NCKAP1: variants seen among roughly 807,000 people sequenced by gnomAD.
NCKAP1 encodes the protein NCK associated protein 1.
NCKAP1 carries 21 observed loss-of-function variants against 151.2 expected under a neutral mutation model. The observed-to-expected ratio is 0.14, with a 90% CI of 0.10 to 0.20. The LOEUF is 0.20. Among genes scored for constraint, NCKAP1 ranks in the 10% least tolerant of loss-of-function variants. The pLI is 1.00. For missense variants in NCKAP1, 933 were observed against 1,352.1 expected, an observed-to-expected ratio of 0.69 and a Z score of 4.86; for synonymous variants, 484 against 451.8, an observed-to-expected ratio of 1.07 and a Z score of -0.90.
chr2:182,976,974 A>G, intron 14 of NCKAP1, 23 bp from the exon 15 acceptor site: 1 of 1,421,674 alleles, frequency 7.0e-7, no homozygotes, highest in African/African-American at 1.5e-5. Flanking sequence ...AAAAAAAAAA[A>G]AGATTACAAA....
intron 10 of NCKAP1, among the ~76,000 whole-genome samples, chr2:182,984,061 ACTG>A (rs1697997817): frequency 3.9e-5 from 1 of 25,322 alleles, no homozygotes; most frequent in Admixed American, 9.5e-4. Flanking sequence ...GAAGGCAAAA[ACTG>A]ACTAACTGTA....
chr2:182,928,934 T>G, intron 27 of NCKAP1, 35 bp from the exon 28 acceptor site: 1 of 1,351,192 alleles, frequency 7.4e-7, no homozygotes, highest in East Asian at 2.3e-5. Flanking sequence ...AATCAAGGTA[T>G]TTCTTCAAGA....
rs1696764822 is a variant in NCKAP1, at chr2:182,931,570, T to C, written c.2860-782A>G. ...TGTAAGAGCTAAAACTGTAAAACGC[T>C]TAGAAAAAAATATAGGCACAAATCA... On this transcript the variant is annotated intron_variant, in intron 26 of 30. Coordinates refer to ENST00000361354, the MANE Select transcript of NCKAP1 (RefSeq NM_013436.5). Among the ~76,000 whole-genome samples the C allele has an allele frequency of 2.0e-5, 3 of 151,968 alleles. No homozygotes were observed. The South Asian group carries it at 6.2e-4, about 32-fold the overall frequency.
At chr2:182,990,332 C>T (rs1187505202) in intron 8 of NCKAP1, among the ~76,000 whole-genome samples, 1 of 152,012 alleles carries the variant, frequency 6.6e-6, no homozygotes, top group Non-Finnish European at 1.5e-5. Context: ...GCAACTGCAC[C>T]TGGTCCATAT....
At chr2:182,997,520 T>G (rs1698293623) in intron 6 of NCKAP1, among the ~76,000 whole-genome samples, 1 of 152,206 alleles carries the variant, frequency 6.6e-6, no homozygotes, top group Non-Finnish European at 1.5e-5. Flanking sequence ...AGGATAAAAT[T>G]GTTTAGTTTC....
intron 8 of NCKAP1, among the ~76,000 whole-genome samples, chr2:182,989,934 G>C (rs919123344): frequency 6.6e-6 from 1 of 151,818 alleles, no homozygotes; most frequent in Non-Finnish European, 1.5e-5. Flanking sequence ...AAGTTGCAGT[G>C]AGCCGAGATC....
At chr2:183,030,476 C>T (rs946044701) in intron 1 of NCKAP1, among the ~76,000 whole-genome samples, 2 of 152,054 alleles carry the variant, frequency 1.3e-5, no homozygotes, top group Non-Finnish European at 2.9e-5. Context: ...AATGAATTAA[C>T]TGAAAAAATA....
At chr2:182,984,337 GA>G (rs1014356779) in intron 10 of NCKAP1, among the ~76,000 whole-genome samples, 80 of 149,524 alleles carry the variant, frequency 5.4e-4, no homozygotes, top group African/African-American at 1.7e-3. Flanking sequence ...TTAACAGAAG[GA>G]AAAAAAATCA....
chr2:183,013,036 A>G (rs545550232), intron 2 of NCKAP1, among the ~76,000 whole-genome samples: 13 of 152,168 alleles, frequency 8.5e-5, no homozygotes, highest in Admixed American at 5.9e-4. Context: ...AGAAAAGCAT[A>G]TACTTTGCTG....
At chr2:182,964,934 AT>A (rs1220624274) in intron 16 of NCKAP1, 126 bp from the exon 17 acceptor site, 7 of 616,212 alleles carry the variant, frequency 1.1e-5, no homozygotes, top group African/African-American at 5.7e-5. Context: ...AGAAGAGAAT[AT>A]TTTTCCCCCA....
At chr2:182,996,708 G>A (rs1457092102) in intron 6 of NCKAP1, among the ~76,000 whole-genome samples, 5 of 152,228 alleles carry the variant, frequency 3.3e-5, no homozygotes, top group East Asian at 1.9e-4. Context: ...CGCCTGCATC[G>A]GCCTCCCAAA....
At chr2:182,959,020 G>A (rs1001900325) in intron 18 of NCKAP1, among the ~76,000 whole-genome samples, 1 of 152,112 alleles carries the variant, frequency 6.6e-6, no homozygotes, top group African/African-American at 2.4e-5. Flanking sequence ...AGCTTTACCT[G>A]TTTCTTTCTA....
At chr2:182,987,861 G>A (rs1431351057) in intron 9 of NCKAP1, among the ~76,000 whole-genome samples, 4 of 152,088 alleles carry the variant, frequency 2.6e-5, no homozygotes, top group Admixed American at 2.6e-4. Context: ...AATCAGAATA[G>A]TAGTCACTTG....
chr2:182,978,970 A>G lies in NCKAP1; in HGVS notation c.1342-55T>C, dbSNP rs374355211. ...AACATCTATAGTTGGGAAACAACTC[A>G]GGTCTATCAATTAGTGGACGGATAA... is the stretch of plus-strand genomic sequence containing the variant. On this transcript the variant is annotated intron_variant, in intron 13 of 30. Transcript: ENST00000361354. 5 of 1,221,702 alleles carry G rather than the reference A, an allele frequency of 4.1e-6. No individual in the cohort carries two copies. The African/African-American group carries it at 4.5e-5, about 11-fold the overall frequency. The allele number at this position is 1,221,702 out of a possible 1,614,324, so 75.7% of individuals were successfully genotyped here.
At chr2:182,972,875 T>C (rs1273824341) in intron 15 of NCKAP1, among the ~76,000 whole-genome samples, 1 of 152,112 alleles carries the variant, frequency 6.6e-6, no homozygotes, top group Non-Finnish European at 1.5e-5. Flanking sequence ...GAGAATAGTA[T>C]GATGGTTATA....
At chr2:182,931,008 A>G (rs1470853395) in intron 26 of NCKAP1, among the ~76,000 whole-genome samples, 1 of 152,092 alleles carries the variant, frequency 6.6e-6, no homozygotes, top group Non-Finnish European at 1.5e-5. Flanking sequence ...AGGCCAAACA[A>G]AACTTGTATA....
chr2:183,011,285 G>C (rs752689454), intron 2 of NCKAP1, among the ~76,000 whole-genome samples: 1 of 152,056 alleles, frequency 6.6e-6, no homozygotes, highest in African/African-American at 2.4e-5. Flanking sequence ...AAATCATTTG[G>C]TTTTTTACAG....
chr2:182,973,029 G>A (rs1002337015), intron 15 of NCKAP1, among the ~76,000 whole-genome samples: 8 of 152,114 alleles, frequency 5.3e-5, no homozygotes, highest in Non-Finnish European at 1.0e-4. Flanking sequence ...AAAATAACCA[G>A]AAGAGTAGAT....
At chr2:183,037,622 T>C (rs1257753843) in intron 1 of NCKAP1, among the ~76,000 whole-genome samples, 1 of 152,102 alleles carries the variant, frequency 6.6e-6, no homozygotes, top group Non-Finnish European at 1.5e-5. Flanking sequence ...CCTACCCACC[T>C]AGAATTTCGC....
Sources: gnomAD v4.1 joint callset for allele counts (sites outside exome capture counted in the v4.1 genomes callset) on GRCh38, gnomAD v4.1.1 for gene constraint, MANE v1.5 for transcripts, NCBI Gene and HGNC (gene_info 2026-07-23, HGNC 2026-07-21) for gene names.